Variants in VEGFC observed in about 807,000 individuals in gnomAD.
VEGFC encodes FLT4 ligand DHM.
VEGFC carries 12 observed loss-of-function variants against 46.1 expected under a neutral mutation model. The observed-to-expected ratio is 0.26, with a 90% CI of 0.17 to 0.42. The LOEUF is 0.42. Among genes scored for constraint, VEGFC ranks in the 10% least tolerant of loss-of-function variants. The pLI is 1.00. For synonymous variants in VEGFC, 232 were observed against 195.5 expected (o/e 1.19, Z -1.56); for missense variants, 488 against 529.4 (o/e 0.92, Z 0.77).
At chr4:176,701,284 C>G (rs1734427637) in intron 4 of VEGFC, among the ~76,000 whole-genome samples, 1 of 152,184 alleles carries the variant, frequency 6.6e-6, no homozygotes, top group Non-Finnish European at 1.5e-5. Context: ...TAGAAAACAA[C>G]TGGTAAATCT....
At chr4:176,734,093 T>A (rs910146410) in intron 1 of VEGFC, among the ~76,000 whole-genome samples, 1 of 151,818 alleles carries the variant, frequency 6.6e-6, no homozygotes, top group African/African-American at 2.4e-5. Context: ...TGTGGTCTTA[T>A]TTGTGTTTTG....
intron 6 of VEGFC, among the ~76,000 whole-genome samples, chr4:176,686,315 G>A (rs1464504762): frequency 6.6e-6 from 1 of 152,168 alleles, no homozygotes; most frequent in Non-Finnish European, 1.5e-5. Context: ...TTGAATACAT[G>A]GTAGGTGAAA....
intron 3 of VEGFC, among the ~76,000 whole-genome samples, chr4:176,714,016 G>A (rs1390090153): frequency 6.6e-6 from 1 of 152,150 alleles, no homozygotes; most frequent in Admixed American, 6.5e-5. Context: ...ACAAGAAGAG[G>A]TGCTCCATGT....
rs148680620 is a variant in VEGFC, at chr4:176,773,680, A to G, written c.147+18485T>C. ...GGAAGCAGCAATAATTTTCATGTGT[A>G]GGTTTGTTGTTGTTTTTTAAGAGAC... is the stretch of plus-strand genomic sequence containing the variant. On this transcript the variant is annotated intron_variant, in intron 1 of 6. Transcript: ENST00000618562. Among the ~76,000 whole-genome samples the G allele has an allele frequency of 3.3e-3, 502 of 152,076 alleles. 4 individuals carry two copies. The highest frequency in any genetic ancestry group is 7.8e-3 in the Admixed American group (119 of 15,200).
chr4:176,780,819 CAGAT>C (rs1039852937), intron 1 of VEGFC, among the ~76,000 whole-genome samples: 4 of 152,126 alleles, frequency 2.6e-5, no homozygotes, highest in Admixed American at 6.6e-5. Context: ...TAGTTTTAGA[CAGAT>C]AGAAGAATAA....
rs1195649032 is a variant in VEGFC, at chr4:176,792,577, A to T, written c.-266T>A. The T allele has an allele frequency of 8.8e-6, 3 of 340,760 alleles. No homozygotes were observed. The highest frequency in any genetic ancestry group is 9.4e-5 in the East Asian group (2 of 21,286). The allele number at this position is 340,760 out of a possible 1,614,324, so 21.1% of individuals were successfully genotyped here. A position where few individuals can be genotyped will look rare whatever the true frequency, so the allele number is the denominator to read the frequency against. Reference sequence around the variant, plus strand: ...GAAACCGGACATCCGAGCTCCCCGCATTCGGAGCCCGCGAGGTGAAGCGAG... The same window carrying T: ...GAAACCGGACATCCGAGCTCCCCGCTTTCGGAGCCCGCGAGGTGAAGCGAG... On this transcript the variant is annotated 5_prime_UTR_variant, in exon 1 of 7. It removes an upstream start codon present in the reference 5' UTR. Coordinates refer to ENST00000618562, the MANE Select transcript of VEGFC (RefSeq NM_005429.5). The surrounding 1 kb of genome is among the most constrained non-coding windows in gnomAD (Gnocchi z 6.3).
At chr4:176,770,322 A>G (rs1029061968) in intron 1 of VEGFC, among the ~76,000 whole-genome samples, 2 of 152,210 alleles carry the variant, frequency 1.3e-5, no homozygotes, top group African/African-American at 4.8e-5. Flanking sequence ...TTCTCAAAAC[A>G]TGTTTAGCAA....
chr4:176,729,673 T>A lies in VEGFC; in HGVS notation c.221A>T (p.Tyr74Phe). The change falls in exon 2 of 7, where the codon TAC (tyrosine) becomes TTC (phenylalanine). Residue 74 changes from tyrosine to phenylalanine, a missense_variant. Transcript: ENST00000618562. ...CTTGTACATTTTCCAATATTCTGGGTAGAGTACAGTCATGAGTTCATCTAC... is the reference window on the plus strand; with the variant it reads ...CTTGTACATTTTCCAATATTCTGGGAAGAGTACAGTCATGAGTTCATCTAC... ...SSVDELMTVL[Y>F]PEYWKMYKCQ... 1 of 1,613,632 alleles carries A rather than the reference T, an allele frequency of 6.2e-7. No individual in the cohort carries two copies.
chr4:176,792,561 C>A lies in VEGFC; in HGVS notation c.-250G>T. On this transcript the variant is annotated 5_prime_UTR_variant, in exon 1 of 7. The change abolishes an upstream ATG in the 5' untranslated region. Coordinates refer to ENST00000618562, the MANE Select transcript of VEGFC (RefSeq NM_005429.5). This position sits in a 1 kb window ranked among gnomAD's most constrained non-coding sequence, Gnocchi z 6.3. ...GGTAAAAGCCTCACAGGAAACCGGA[C>A]ATCCGAGCTCCCCGCATTCGGAGCC... 2.7e-6 allele frequency: 1 copy of A among 365,042 alleles called. No individual in the cohort carries two copies. The highest frequency in any genetic ancestry group is 4.9e-6 in the Non-Finnish European group (1 of 205,654). The allele number at this position is 365,042 out of a possible 1,614,324, so 22.6% of individuals were successfully genotyped here. A position where few individuals can be genotyped will look rare whatever the true frequency, so the allele number is the denominator to read the frequency against.
chr4:176,715,040 A>C (rs1482206141), intron 3 of VEGFC, among the ~76,000 whole-genome samples: 4 of 149,962 alleles, frequency 2.7e-5, no homozygotes. Flanking sequence ...TCTAAGTTGA[A>C]GACTTTTATA....
At chr4:176,719,731 T>G (rs188609219) in intron 3 of VEGFC, among the ~76,000 whole-genome samples, 5 of 152,300 alleles carry the variant, frequency 3.3e-5, no homozygotes, top group Middle Eastern at 3.4e-3. Flanking sequence ...CGTCACATAA[T>G]GGGTGTACCA....
At chr4:176,757,171 C>T (rs1245172236) in intron 1 of VEGFC, among the ~76,000 whole-genome samples, 2 of 151,860 alleles carry the variant, frequency 1.3e-5, no homozygotes, top group African/African-American at 4.8e-5. Flanking sequence ...TTAATTATTC[C>T]TTATTCATAC....
chr4:176,704,507 C>T (rs1296135031), intron 4 of VEGFC, among the ~76,000 whole-genome samples: 1 of 152,156 alleles, frequency 6.6e-6, no homozygotes, highest in Non-Finnish European at 1.5e-5. Flanking sequence ...CCCCCATATG[C>T]GGTTCCCAAG....
intron 1 of VEGFC, among the ~76,000 whole-genome samples, chr4:176,768,823 C>T (rs181342488): frequency 8.3e-4 from 127 of 152,166 alleles, no homozygotes; most frequent in African/African-American, 2.0e-3. Flanking sequence ...CCCTACTCTA[C>T]TCTGCCTTGC....
At chr4:176,786,945 A>G (rs56322672) in intron 1 of VEGFC, among the ~76,000 whole-genome samples, 9 of 152,238 alleles carry the variant, frequency 5.9e-5, no homozygotes, top group Non-Finnish European at 1.3e-4. Context: ...AAATGCCTGG[A>G]GACTGCAAGA....
At chr4:176,688,056 T>C (rs1734078490) in intron 4 of VEGFC, 129 bp from the exon 5 acceptor site, 2 of 543,490 alleles carry the variant, frequency 3.7e-6, no homozygotes, top group Non-Finnish European at 6.5e-6. Context: ...TGAGATAAAA[T>C]GTGAATGTTT....
intron 1 of VEGFC, among the ~76,000 whole-genome samples, chr4:176,735,770 A>C: frequency 6.6e-6 from 1 of 151,880 alleles, no homozygotes; most frequent in South Asian, 2.1e-4. Flanking sequence ...GGACCACATA[A>C]CATCATGCCA....
intron 1 of VEGFC, among the ~76,000 whole-genome samples, chr4:176,786,226 T>C (rs961015860): frequency 2.0e-5 from 3 of 152,204 alleles, no homozygotes; most frequent in Non-Finnish European, 4.4e-5. Context: ...CACTAAAGAA[T>C]CTTCATTGGC....
intron 1 of VEGFC, among the ~76,000 whole-genome samples, chr4:176,777,814 G>A (rs1353770538): frequency 6.6e-6 from 1 of 151,120 alleles, no homozygotes; most frequent in African/African-American, 2.4e-5. Context: ...TGCTACTCGG[G>A]AGGCTGGGGC....
Sources: allele counts gnomAD v4.1 joint callset (sites outside exome capture counted in the v4.1 genomes callset), GRCh38; gene constraint gnomAD v4.1.1; non-coding constraint Gnocchi (gnomAD v3.1); transcripts MANE v1.5; gene names NCBI Gene and HGNC (gene_info 2026-07-23, HGNC 2026-07-21).